The following TMEM164 variants were observed in gnomAD, a reference collection of about 807,000 sequenced individuals.
The protein encoded by TMEM164 is transmembrane protein 164.
TMEM164 carries 4 observed loss-of-function variants against 18.8 expected under a neutral mutation model. That is an observed-to-expected ratio of 0.21 (90% CI 0.10 to 0.49). The LOEUF is 0.49. Ranked by LOEUF, TMEM164 falls within the 20% of genes least tolerant of loss-of-function variation. TMEM164 has a pLI of 0.98. For missense variants in TMEM164, 108 were observed against 239.9 expected (o/e 0.45, Z 3.63); for synonymous variants, 86 against 101.7 (o/e 0.85, Z 0.93).
intron 4 of TMEM164, among the ~76,000 whole-genome samples, chrX:110,134,590 C>T (rs1165544679): frequency 2.0e-5 from 2 of 98,372 alleles, no homozygotes; most frequent in African/African-American, 7.6e-5. Flanking sequence ...AAAAAAGGAC[C>T]AGTGGCTGCC....
At chrX:110,019,452 CT>C (rs1933673752) in intron 2 of TMEM164, among the ~76,000 whole-genome samples, 1 of 111,271 alleles carries the variant, frequency 9.0e-6, no homozygotes, top group Non-Finnish European at 1.9e-5. Context: ...TGTGATTGAT[CT>C]TCTCTCCTCT....
intron 4 of TMEM164, among the ~76,000 whole-genome samples, chrX:110,134,603 C>G (rs1262628108): frequency 9.7e-6 from 1 of 103,432 alleles, no homozygotes; most frequent in African/African-American, 3.5e-5. Flanking sequence ...TGGCTGCCCC[C>G]CCGCTTAATT....
At chrX:110,053,069 A>G (rs945647234) in intron 2 of TMEM164, among the ~76,000 whole-genome samples, 24 of 111,542 alleles carry the variant, frequency 2.2e-4, no homozygotes, top group African/African-American at 7.5e-4. Context: ...TCATTTTTTA[A>G]AACAGTGATT....
intron 4 of TMEM164, among the ~76,000 whole-genome samples, chrX:110,126,424 T>A (rs1170290723): frequency 8.9e-6 from 1 of 112,218 alleles, no homozygotes; most frequent in East Asian, 2.8e-4. Context: ...GGAGAGTTTG[T>A]GCTTGCTTTG....
intron 4 of TMEM164, among the ~76,000 whole-genome samples, chrX:110,124,180 C>A (rs376345876): frequency 1.2e-3 from 79 of 67,242 alleles, no homozygotes; most frequent in Middle Eastern, 7.6e-3. Context: ...GGAAGGAAGG[C>A]AGGAAGGCAG....
At chrX:110,105,041 T>A (rs1428286656) in intron 3 of TMEM164, among the ~76,000 whole-genome samples, 1 of 111,352 alleles carries the variant, frequency 9.0e-6, no homozygotes, top group African/African-American at 3.3e-5. Context: ...TCTCATACTT[T>A]GAATTTTTTA....
At chrX:110,023,834 T>C (rs965187958) in intron 2 of TMEM164, among the ~76,000 whole-genome samples, 12 of 111,925 alleles carry the variant, frequency 1.1e-4, no homozygotes, top group African/African-American at 3.6e-4. Context: ...ATTTTTGTAT[T>C]GACGAAGAAC....
intron 2 of TMEM164, among the ~76,000 whole-genome samples, chrX:110,022,721 C>A (rs1184643128): frequency 8.9e-6 from 1 of 111,906 alleles, no homozygotes; most frequent in East Asian, 2.8e-4. Flanking sequence ...CAGGCCTAGT[C>A]GTACTAGAGA....
intron 2 of TMEM164, among the ~76,000 whole-genome samples, chrX:110,039,751 A>G (rs1935010942): frequency 8.9e-6 from 1 of 112,596 alleles, no homozygotes; most frequent in Non-Finnish European, 1.9e-5. Flanking sequence ...ATCTTCAGAA[A>G]TAACACCAGA....
intron 2 of TMEM164, among the ~76,000 whole-genome samples, chrX:110,006,448 T>G (rs1457949564): frequency 9.0e-6 from 1 of 111,368 alleles, no homozygotes; most frequent in African/African-American, 3.3e-5. Flanking sequence ...CCTTTTCCCC[T>G]AAATCACTGC....
At chrX:110,135,956 C>T (rs2066685342) in intron 4 of TMEM164, among the ~76,000 whole-genome samples, 1 of 111,897 alleles carries the variant, frequency 8.9e-6, no homozygotes, top group African/African-American at 3.2e-5. Flanking sequence ...ATAATACCAT[C>T]TACCTTATTT....
At chrX:110,030,845 G>T (rs1934468125) in intron 2 of TMEM164, among the ~76,000 whole-genome samples, 1 of 109,307 alleles carries the variant, frequency 9.1e-6, no homozygotes, top group Non-Finnish European at 1.9e-5. Flanking sequence ...AAAAGAAAAG[G>T]TAGTACATTC....
chrX:110,163,826 C>A (rs1442961939), intron 5 of TMEM164, among the ~76,000 whole-genome samples: 1 of 111,682 alleles, frequency 9.0e-6, no homozygotes. Context: ...GGACACAGGG[C>A]AGTTCATCTG....
chrX:110,120,214 C>G (rs1024514988), intron 4 of TMEM164, among the ~76,000 whole-genome samples: 1 of 112,345 alleles, frequency 8.9e-6, no homozygotes, highest in Middle Eastern at 4.6e-3. Flanking sequence ...TACTAGTTTG[C>G]CTTGGCCCTT....
At chrX:110,117,559 T>C (rs2066388469) in intron 4 of TMEM164, among the ~76,000 whole-genome samples, 1 of 112,105 alleles carries the variant, frequency 8.9e-6, no homozygotes. Flanking sequence ...ATTCTATGCA[T>C]GCAAAAAATA....
At chrX:110,076,541 T>G (rs1260468942) in intron 3 of TMEM164, among the ~76,000 whole-genome samples, 3 of 111,460 alleles carry the variant, frequency 2.7e-5, no homozygotes, top group Non-Finnish European at 5.7e-5. Context: ...GTTTTCTAGT[T>G]CCTCTAGACA....
chrX:110,137,814 G>A (rs940075118), intron 4 of TMEM164, among the ~76,000 whole-genome samples: 2 of 112,391 alleles, frequency 1.8e-5, no homozygotes, highest in Non-Finnish European at 3.8e-5. Context: ...TCACCTAGGC[G>A]TGCCTTAATA....
At chrX:110,090,702 T>A (rs1225014860) in intron 3 of TMEM164, among the ~76,000 whole-genome samples, 6 of 111,732 alleles carry the variant, frequency 5.4e-5, no homozygotes, top group African/African-American at 1.6e-4. Context: ...GTTGTCCTAC[T>A]TTCTTTATTT....
chrX:110,005,279 G>A (rs1473013113), intron 2 of TMEM164, among the ~76,000 whole-genome samples: 2 of 111,938 alleles, frequency 1.8e-5, no homozygotes, highest in Non-Finnish European at 3.8e-5. Context: ...GAGGGGTTTA[G>A]GAATGGCAGG....
Sources: gnomAD v4.1 joint callset for allele counts (sites outside exome capture counted in the v4.1 genomes callset) on GRCh38, gnomAD v4.1.1 for gene constraint, MANE v1.5 for transcripts, NCBI Gene and HGNC (gene_info 2026-07-23, HGNC 2026-07-21) for gene names.